GLI2: variants seen among roughly 807,000 people sequenced by gnomAD.
GLI2 encodes the protein GLI family zinc finger 2.
In GLI2, 22 loss-of-function variants were observed where a neutral mutation model predicts 78.9. That is an observed-to-expected ratio of 0.28 (90% CI 0.20 to 0.40). The LOEUF is 0.40. Ranked by LOEUF, GLI2 falls within the 10% of genes least tolerant of loss-of-function variation. The probability of loss-of-function intolerance (pLI) is 1.00; values close to 1 mark genes in which losing one functional copy is unlikely to be tolerated. For missense variants in GLI2, 2,097 were observed against 2,213.2 expected (o/e 0.95, Z 1.05); for synonymous variants, 974 against 963.7 (o/e 1.01, Z -0.20).
chr2:120,817,993 G>A (rs909695665), intron 2 of GLI2, among the ~76,000 whole-genome samples: 1 of 152,216 alleles, frequency 6.6e-6, no homozygotes, highest in Non-Finnish European at 1.5e-5. Context: ...GGTTTGCCCA[G>A]GGCCTCACAT....
intron 2 of GLI2, among the ~76,000 whole-genome samples, chr2:120,907,492 C>A (rs1018043700): frequency 6.6e-6 from 1 of 152,156 alleles, no homozygotes; most frequent in Non-Finnish European, 1.5e-5. Flanking sequence ...TTATCCATTA[C>A]CATGGGGAGT....
intron 1 of GLI2, among the ~76,000 whole-genome samples, chr2:120,787,178 G>A (rs1684020765): frequency 6.6e-6 from 1 of 152,198 alleles, no homozygotes; most frequent in African/African-American, 2.4e-5. Context: ...TGGGTATTGG[G>A]GAACTAGCAT....
At position 120,886,013 on chromosome 2, in the gene GLI2, GC is replaced by G. The variant is rs936147151; in HGVS notation, c.149-41346del. Among the ~76,000 whole-genome samples, 18 of 152,222 alleles carry G rather than the reference GC, an allele frequency of 1.2e-4. No individual in the cohort carries two copies. The East Asian group carries it at 3.5e-3, about 29-fold the overall frequency. On this transcript the variant is annotated intron_variant, in intron 2 of 13. Coordinates refer to ENST00000361492, the MANE Select transcript of GLI2 (RefSeq NM_001374353.1). ...CAGATAATTTTACATGCATTAGCGT[GC>G]CATCCTCATGCTGGCCTCAGGAGGT...
chr2:120,747,413 G>A (rs185368478), intron 1 of GLI2, among the ~76,000 whole-genome samples: 99 of 152,276 alleles, frequency 6.5e-4, no homozygotes, highest in Non-Finnish European at 1.2e-3. Flanking sequence ...AGCTCTGAGC[G>A]GAGGCAGGTT....
chr2:120,771,147 G>C (rs1573361844), intron 1 of GLI2, among the ~76,000 whole-genome samples: 1 of 152,352 alleles, frequency 6.6e-6, no homozygotes, highest in East Asian at 1.9e-4. Flanking sequence ...TCCTGGCTTT[G>C]CAGGATCTCA....
chr2:120,948,893 T>A (rs917552220), intron 3 of GLI2, among the ~76,000 whole-genome samples: 1 of 152,154 alleles, frequency 6.6e-6, no homozygotes, highest in Admixed American at 6.5e-5. Flanking sequence ...CTGGAGTGTC[T>A]GGGGAGGACC....
At chr2:120,795,295 G>T (rs1684336551) in intron 1 of GLI2, among the ~76,000 whole-genome samples, 1 of 152,068 alleles carries the variant, frequency 6.6e-6, no homozygotes, top group Non-Finnish European at 1.5e-5. Flanking sequence ...GCCAAGGCAG[G>T]TGGATCACTT....
chr2:120,775,583 G>C (rs912078098), intron 1 of GLI2, among the ~76,000 whole-genome samples: 2 of 152,182 alleles, frequency 1.3e-5, no homozygotes, highest in African/African-American at 4.8e-5. Flanking sequence ...AGCGCCGAAG[G>C]GTTCTCACTA....
At chr2:120,870,391 G>A (rs1056330302) in intron 2 of GLI2, among the ~76,000 whole-genome samples, 1 of 152,178 alleles carries the variant, frequency 6.6e-6, no homozygotes, top group Non-Finnish European at 1.5e-5. Flanking sequence ...CTCCTCCATT[G>A]GATGAATAGA....
Position 120,774,001 on chromosome 2 carries a change from C to CG in GLI2, c.-30-23290_-30-23289insG, listed in dbSNP as rs892613164. On this transcript the variant is annotated intron_variant, in intron 1 of 13. Transcript: ENST00000361492. ...TCCTTCCCTCTCTGGCTTCCTCCCC[C>CG]CTTTCTTCCCTCCCTTCCATCATCC... Among the ~76,000 whole-genome samples the CG allele has an allele frequency of 4.0e-5, 6 of 149,278 alleles. 1 individual carries two copies. In the East Asian group the frequency reaches 6.1e-4, roughly 15 times the overall value.
intron 2 of GLI2, among the ~76,000 whole-genome samples, chr2:120,798,645 T>C (rs911527502): frequency 6.6e-6 from 1 of 152,194 alleles, no homozygotes; most frequent in Admixed American, 6.5e-5. Context: ...AGCTGGACGA[T>C]GCCTCTCCAC....
chr2:120,915,669 C>T (rs1380284344), intron 2 of GLI2, among the ~76,000 whole-genome samples: 1 of 152,190 alleles, frequency 6.6e-6, no homozygotes, highest in African/African-American at 2.4e-5. Flanking sequence ...CCTGGGCTCA[C>T]GTGGCTGAAG....
chr2:120,930,319 A>T (rs1264340012), intron 3 of GLI2, among the ~76,000 whole-genome samples: 1 of 152,210 alleles, frequency 6.6e-6, no homozygotes, highest in Non-Finnish European at 1.5e-5. Context: ...TCTTCTCAAC[A>T]ACCCAAAAAA....
chr2:120,800,198 C>T lies in GLI2; in HGVS notation c.148+2730C>T, dbSNP rs1684633496. Among the ~76,000 whole-genome samples, 4 of 152,098 alleles carry T rather than the reference C, an allele frequency of 2.6e-5. No homozygotes were observed. The highest frequency in any genetic ancestry group is 2.6e-4 in the Admixed American group (4 of 15,270). On this transcript the variant is annotated intron_variant, in intron 2 of 13. Coordinates refer to ENST00000361492, the MANE Select transcript of GLI2 (RefSeq NM_001374353.1). This position sits in a 1 kb window ranked among gnomAD's most constrained non-coding sequence, Gnocchi z 4.1. ...GAGAGGGACAGTGCCGCAGGGTGCA[C>T]CCCGGGTGGATGCAAGGGTGTGGGG...
intron 2 of GLI2, among the ~76,000 whole-genome samples, chr2:120,854,479 G>A (rs1158893694): frequency 6.6e-6 from 1 of 152,192 alleles, no homozygotes; most frequent in Non-Finnish European, 1.5e-5. Context: ...GAGTGTGTGA[G>A]CAGTCCCCTC....
At chr2:120,855,547 C>T (rs571305626) in intron 2 of GLI2, among the ~76,000 whole-genome samples, 3 of 152,346 alleles carry the variant, frequency 2.0e-5, no homozygotes, top group South Asian at 2.1e-4. Flanking sequence ...AGGATATTCA[C>T]AAGGTTTAAA....
At chr2:120,855,004 C>T (rs1243670512) in intron 2 of GLI2, among the ~76,000 whole-genome samples, 1 of 152,256 alleles carries the variant, frequency 6.6e-6, no homozygotes, top group African/African-American at 2.4e-5. Context: ...ACACCCTCCA[C>T]ACAGAGCAGG....
In GLI2 at chr2:120,927,348, T is replaced by TC. The variant is rs1679732100; in HGVS notation, c.149-8dup. 6.3e-7 allele frequency: 1 copy of TC among 1,584,440 alleles called. No individual in the cohort carries two copies. Among genetic ancestry groups the TC allele is most frequent in the South Asian group, 1.1e-5 (1 of 90,450 alleles). On this transcript the variant is annotated splice_polypyrimidine_tract_variant and intron_variant, in intron 2 of 13. Transcript: ENST00000361492. The stretch of plus-strand genomic sequence containing the variant: ...AAGTTTTTGAAGTCTTGTTTCTCTC[T>TC]CCCCCTCTGCAGTGCCGCAGCATCT...
intron 2 of GLI2, among the ~76,000 whole-genome samples, chr2:120,828,150 G>T (rs1686179717): frequency 6.6e-6 from 1 of 152,212 alleles, no homozygotes; most frequent in Non-Finnish European, 1.5e-5. Flanking sequence ...GGGTCCTCCT[G>T]GTTCCTCCAC....
Sources: gnomAD v4.1 joint callset for allele counts (sites outside exome capture counted in the v4.1 genomes callset) on GRCh38, gnomAD v4.1.1 for gene constraint, Gnocchi (gnomAD v3.1) non-coding constraint, MANE v1.5 for transcripts, NCBI Gene and HGNC (gene_info 2026-07-23, HGNC 2026-07-21) for gene names.